The following FHIT variants were observed in gnomAD, a reference collection of about 807,000 sequenced individuals.
FHIT encodes the protein fragile histidine triad diadenosine triphosphatase.
FHIT carries 19 observed loss-of-function variants against 17.9 expected under a neutral mutation model. The observed-to-expected ratio is 1.06, with a 90% CI of 0.74 to 1.56. FHIT has a LOEUF of 1.56. Ranked by LOEUF, FHIT falls within the 40% of genes most tolerant of loss-of-function variation. The pLI is 0.00. For missense variants in FHIT, 248 were observed against 189.2 expected, an observed-to-expected ratio of 1.31 and a Z score of -1.82; for synonymous variants, 81 against 69.7, an observed-to-expected ratio of 1.16 and a Z score of -0.81.
At chr3:61,053,470 C>G (rs1050969498) in intron 2 of FHIT, among the ~76,000 whole-genome samples, 4 of 151,926 alleles carry the variant, frequency 2.6e-5, no homozygotes, top group Non-Finnish European at 4.4e-5. Flanking sequence ...ACCAGCCTGA[C>G]CACCATGGAG....
At chr3:60,633,940 C>G (rs1327014082) in intron 4 of FHIT, among the ~76,000 whole-genome samples, 1 of 152,218 alleles carries the variant, frequency 6.6e-6, no homozygotes, top group Non-Finnish European at 1.5e-5. Flanking sequence ...CGCACAGGCT[C>G]ATAGCATATG....
chr3:59,826,489 TCA>T (rs372913141), intron 8 of FHIT, among the ~76,000 whole-genome samples: 1,625 of 152,342 alleles, frequency 0.011, 17 homozygotes, highest in Non-Finnish European at 0.017. Context: ...TAAGCTCCTC[TCA>T]CCATCTACTC....
intron 2 of FHIT, among the ~76,000 whole-genome samples, chr3:61,062,120 G>C (rs946846378): frequency 5.9e-5 from 9 of 151,978 alleles, no homozygotes; most frequent in African/African-American, 2.2e-4. Context: ...TACGTTACTA[G>C]ACATTTCAAG....
intron 4 of FHIT, among the ~76,000 whole-genome samples, chr3:60,800,231 T>C (rs374918771): frequency 5.3e-4 from 80 of 152,352 alleles, no homozygotes; most frequent in South Asian, 2.9e-3. Context: ...TCTCAACAAG[T>C]CTTTGGTACC....
At chr3:60,055,447 T>C (rs150886452) in intron 5 of FHIT, among the ~76,000 whole-genome samples, 11 of 122,932 alleles carry the variant, frequency 8.9e-5, no homozygotes, top group African/African-American at 3.0e-4. Context: ...TGATGGACTT[T>C]CTTTTTTTTT....
chr3:60,075,509 A>G (rs1021996124), intron 5 of FHIT, among the ~76,000 whole-genome samples: 2 of 152,120 alleles, frequency 1.3e-5, no homozygotes, highest in Non-Finnish European at 2.9e-5. Context: ...GTTTAAAATG[A>G]TATTTCTCAA....
intron 1 of FHIT, among the ~76,000 whole-genome samples, chr3:61,230,772 G>C (rs2040080111): frequency 1.3e-5 from 2 of 152,138 alleles, no homozygotes; most frequent in African/African-American, 4.8e-5. Flanking sequence ...GCAATCCTAT[G>C]TCAGCTCCCA....
At chr3:60,445,420 T>A (rs554723385) in intron 5 of FHIT, among the ~76,000 whole-genome samples, 11 of 151,398 alleles carry the variant, frequency 7.3e-5, no homozygotes, top group African/African-American at 1.2e-4. Flanking sequence ...CCAAAGGTCA[T>A]CAAAGAAAGC....
chr3:61,102,769 G>C (rs1308087327), intron 2 of FHIT, among the ~76,000 whole-genome samples: 5 of 152,052 alleles, frequency 3.3e-5, no homozygotes, highest in African/African-American at 4.8e-5. Context: ...ACTTTTTCCT[G>C]GTTTAGTCTT....
intron 5 of FHIT, among the ~76,000 whole-genome samples, chr3:60,093,425 A>C (rs1267342340): frequency 1.3e-5 from 2 of 152,168 alleles, no homozygotes; most frequent in Non-Finnish European, 2.9e-5. Flanking sequence ...CCACCTGGAC[A>C]GTCTAGGATA....
chr3:59,943,086 G>A (rs928726849), intron 7 of FHIT, among the ~76,000 whole-genome samples: 1 of 152,056 alleles, frequency 6.6e-6, no homozygotes. Context: ...AGAAAAACAA[G>A]GTATTCCATT....
chr3:60,173,347 T>G (rs1479572502), intron 5 of FHIT, among the ~76,000 whole-genome samples: 1 of 152,138 alleles, frequency 6.6e-6, no homozygotes, highest in East Asian at 1.9e-4. Context: ...TAATGATACT[T>G]GTGGTAGTGC....
At chr3:60,840,202 C>A (rs1163547307) in intron 3 of FHIT, among the ~76,000 whole-genome samples, 1 of 152,074 alleles carries the variant, frequency 6.6e-6, no homozygotes. Flanking sequence ...GAGGAAGGAG[C>A]CAAAAATCCT....
At chr3:61,104,004 T>A (rs2035917168) in intron 2 of FHIT, among the ~76,000 whole-genome samples, 2 of 152,108 alleles carry the variant, frequency 1.3e-5, no homozygotes, top group South Asian at 4.2e-4. Flanking sequence ...CACTGATGAG[T>A]CTTGGCTCTT....
intron 4 of FHIT, among the ~76,000 whole-genome samples, chr3:60,577,821 T>C (rs1217203991): frequency 2.0e-5 from 3 of 152,180 alleles, no homozygotes; most frequent in African/African-American, 7.2e-5. Context: ...AGATGCCTCA[T>C]TGGCTGTTAC....
intron 4 of FHIT, among the ~76,000 whole-genome samples, chr3:60,678,977 CA>C (rs200938453): frequency 2.4e-4 from 34 of 139,108 alleles, no homozygotes; most frequent in East Asian, 1.0e-3. Flanking sequence ...AAAAAACAAG[CA>C]AAAAAAAAAG....
chr3:60,056,543 T>C (rs985166616), intron 5 of FHIT, among the ~76,000 whole-genome samples: 1 of 152,244 alleles, frequency 6.6e-6, no homozygotes, highest in Non-Finnish European at 1.5e-5. Context: ...ACGCTTTTGA[T>C]TGATTCAAGT....
intron 5 of FHIT, among the ~76,000 whole-genome samples, chr3:60,133,095 A>C (rs1699664982): frequency 6.6e-6 from 1 of 152,150 alleles, no homozygotes; most frequent in Non-Finnish European, 1.5e-5. Flanking sequence ...TAAAAAGCTA[A>C]TGGAAATCCG....
chr3:59,928,877 C>A (rs1162883233), intron 7 of FHIT, among the ~76,000 whole-genome samples: 1 of 151,776 alleles, frequency 6.6e-6, no homozygotes, highest in Non-Finnish European at 1.5e-5. Flanking sequence ...CACCTGTAAT[C>A]CCAGCTACTC....
Sources: gnomAD v4.1 joint callset for allele counts (sites outside exome capture counted in the v4.1 genomes callset) on GRCh38, gnomAD v4.1.1 for gene constraint, MANE v1.5 for transcripts, NCBI Gene and HGNC (gene_info 2026-07-23, HGNC 2026-07-21) for gene names.